Variants in GRAMD1B observed in about 807,000 individuals in gnomAD.
GRAMD1B encodes the protein protein Aster-B.
Under a neutral mutation model 99.7 loss-of-function variants are expected in GRAMD1B, and 37 were observed. The observed-to-expected ratio is 0.37, with a 90% CI of 0.29 to 0.49. GRAMD1B has a LOEUF of 0.49. Ranked by LOEUF, GRAMD1B falls within the 20% of genes least tolerant of loss-of-function variation. The probability of loss-of-function intolerance (pLI) is 0.98; values close to 1 mark genes in which losing one functional copy is unlikely to be tolerated. For synonymous variants in GRAMD1B, 427 were observed against 387.6 expected (o/e 1.10, Z -1.19); for missense variants, 888 against 1,009.2 (o/e 0.88, Z 1.63).
chr11:123,598,168 C>T, intron 7 of GRAMD1B: 2 of 1,537,910 alleles, frequency 1.3e-6, no homozygotes, highest in Middle Eastern at 2.3e-4. Flanking sequence ...AGCATGATGC[C>T]ATTCAGCAAA....
intron 1 of GRAMD1B, among the ~76,000 whole-genome samples, chr11:123,475,617 T>A (rs1951227378): frequency 6.6e-6 from 1 of 152,240 alleles, no homozygotes; most frequent in Admixed American, 6.5e-5. Flanking sequence ...TGTTAAGCCA[T>A]CTTTCAGTCA....
At chr11:123,490,902 CAGGATCTGT>C (rs1938483104) in intron 2 of GRAMD1B, among the ~76,000 whole-genome samples, 1 of 152,138 alleles carries the variant, frequency 6.6e-6, no homozygotes, top group African/African-American at 2.4e-5. Flanking sequence ...TTAGCGGCAG[CAGGATCTGT>C]TTTCTCTGTG....
In GRAMD1B at chr11:123,606,682, A is replaced by G. The variant is rs114469707; in HGVS notation, c.1397A>G (p.Asn466Ser). The stretch of plus-strand genomic sequence containing the variant: ...CTGGAAAAGGAGCTCGCCATTGACA[A>G]CATCATGGGGGAGAAGATTGAGATG... ...GSLEKELAID[N>S]IMGEKIEMIA... Residue 466 changes from asparagine to serine, a missense_variant, in exon 11 of 20, where the codon AAC becomes AGC. Coordinates refer to ENST00000635736, the MANE Select transcript of GRAMD1B (RefSeq NM_001387025.1). The G allele has an allele frequency of 2.8e-4, 450 of 1,613,520 alleles. 1 individual carries two copies. In the African/African-American group the frequency reaches 5.4e-3, roughly 19 times the overall value.
chr11:123,523,059 C>A (rs145502257), intron 2 of GRAMD1B, among the ~76,000 whole-genome samples: 1 of 152,114 alleles, frequency 6.6e-6, no homozygotes, highest in African/African-American at 2.4e-5. Flanking sequence ...AGGCTGGGCG[C>A]GGTGGCTCAT....
chr11:123,444,262 C>G (rs1344148602), intron 1 of GRAMD1B, among the ~76,000 whole-genome samples: 1 of 152,052 alleles, frequency 6.6e-6, no homozygotes, highest in Non-Finnish European at 1.5e-5. Context: ...CCTTCTTTAT[C>G]GTAATATTAT....
At chr11:123,457,953 G>T (rs758929741) in intron 1 of GRAMD1B, among the ~76,000 whole-genome samples, 3 of 152,098 alleles carry the variant, frequency 2.0e-5, no homozygotes, top group Non-Finnish European at 4.4e-5. Context: ...TGGGCTCAAG[G>T]AATCCTCCTG....
intron 1 of GRAMD1B, among the ~76,000 whole-genome samples, chr11:123,359,812 A>T (rs1346839958): frequency 1.3e-5 from 2 of 152,216 alleles, no homozygotes; most frequent in Non-Finnish European, 1.5e-5. Context: ...CAGCAGATGT[A>T]AAACTCCCAC....
chr11:123,538,090 C>T (rs1466340406), intron 2 of GRAMD1B, among the ~76,000 whole-genome samples: 1 of 152,170 alleles, frequency 6.6e-6, no homozygotes, highest in African/African-American at 2.4e-5. Context: ...CTGTCTCCCT[C>T]TTTCTATTCT....
At chr11:123,581,821 C>T (rs1428108930) in intron 3 of GRAMD1B, among the ~76,000 whole-genome samples, 6 of 152,254 alleles carry the variant, frequency 3.9e-5, no homozygotes, top group African/African-American at 1.4e-4. Context: ...GTGTGACCCT[C>T]ACACTTTGTT....
chr11:123,596,736 T>G (rs1413739922), intron 7 of GRAMD1B, among the ~76,000 whole-genome samples: 1 of 152,200 alleles, frequency 6.6e-6, no homozygotes, highest in Non-Finnish European at 1.5e-5. Flanking sequence ...TGTTTTTGTT[T>G]TAAGTAGATT....
At chr11:123,404,223 T>C (rs1270606163) in intron 1 of GRAMD1B, among the ~76,000 whole-genome samples, 1 of 152,212 alleles carries the variant, frequency 6.6e-6, no homozygotes, top group African/African-American at 2.4e-5. Context: ...GTCTCTCTTT[T>C]TGTGGCGTGA....
chr11:123,494,018 T>C (rs1591704225), intron 2 of GRAMD1B, among the ~76,000 whole-genome samples: 1 of 152,326 alleles, frequency 6.6e-6, no homozygotes, highest in East Asian at 1.9e-4. Context: ...AATCACATTA[T>C]AATTGTATTT....
chr11:123,381,455 G>A (rs1361750937), intron 1 of GRAMD1B: 4 of 154,386 alleles, frequency 2.6e-5, no homozygotes, highest in Admixed American at 1.3e-4. Flanking sequence ...AGATGGAAAG[G>A]CCTTCTGGAG....
intron 11 of GRAMD1B, 195 bp from the exon 12 acceptor site, chr11:123,608,464 C>A (rs1397991619): frequency 1.3e-6 from 2 of 1,512,838 alleles, no homozygotes; most frequent in East Asian, 4.9e-5. Context: ...GGTGTGCATC[C>A]CAGCAAAAGA....
At chr11:123,479,701 A>C (rs1384096170) in intron 1 of GRAMD1B, among the ~76,000 whole-genome samples, 2 of 152,150 alleles carry the variant, frequency 1.3e-5, no homozygotes, top group Non-Finnish European at 2.9e-5. Context: ...TGGTGCCCAC[A>C]ACTCTGTCTT....
chr11:123,566,795 C>G (rs1200355045), intron 2 of GRAMD1B, among the ~76,000 whole-genome samples: 1 of 151,862 alleles, frequency 6.6e-6, no homozygotes, highest in Non-Finnish European at 1.5e-5. Flanking sequence ...GAAAGAAGAT[C>G]CCACTTTTTA....
At chr11:123,376,530 A>G (rs1441949342) in intron 1 of GRAMD1B, among the ~76,000 whole-genome samples, 1 of 152,234 alleles carries the variant, frequency 6.6e-6, no homozygotes, top group Non-Finnish European at 1.5e-5. Context: ...ATTCTGATAC[A>G]GACAATCGGA....
chr11:123,555,699 C>T (rs1946113373), intron 2 of GRAMD1B, among the ~76,000 whole-genome samples: 1 of 151,942 alleles, frequency 6.6e-6, no homozygotes, highest in African/African-American at 2.4e-5. Context: ...ACTTAAAGTA[C>T]AGGCTCCTGA....
At chr11:123,617,184 T>C (rs2137081017) in intron 17 of GRAMD1B, among the ~76,000 whole-genome samples, 1 of 148,852 alleles carries the variant, frequency 6.7e-6, no homozygotes, top group South Asian at 2.1e-4. Flanking sequence ...TTTTTTTTTT[T>C]TGTTTGTTTG....
Sources: gnomAD v4.1 joint callset for allele counts (sites outside exome capture counted in the v4.1 genomes callset) on GRCh38, gnomAD v4.1.1 for gene constraint, MANE v1.5 for transcripts, NCBI Gene and HGNC (gene_info 2026-07-23, HGNC 2026-07-21) for gene names.